DYM: variants seen among roughly 807,000 people sequenced by gnomAD.
The protein encoded by DYM is dyggve-Melchior-Clausen syndrome protein.
DYM carries 78 observed loss-of-function variants against 93.1 expected under a neutral mutation model. That is an observed-to-expected ratio of 0.84 (90% CI 0.70 to 1.01). The LOEUF (loss-of-function observed/expected upper bound fraction) is 1.01, where lower values mean the gene tolerates loss of function less well. Ranked by LOEUF, DYM falls within the 50% of genes least tolerant of loss-of-function variation. The pLI is 0.00. For missense variants in DYM, 789 were observed against 845.0 expected, an observed-to-expected ratio of 0.93 and a Z score of 0.82; for synonymous variants, 321 against 319.7, an observed-to-expected ratio of 1.00 and a Z score of -0.04.
intron 10 of DYM, among the ~76,000 whole-genome samples, chr18:49,275,312 ACT>A (rs2145606859): frequency 6.6e-6 from 1 of 151,912 alleles, no homozygotes; most frequent in South Asian, 2.1e-4. Context: ...TCTCAATTCA[ACT>A]CCATTGATGT....
At chr18:49,418,081 A>T (rs547344929) in intron 2 of DYM, 1 of 138,090 alleles carries the variant, frequency 7.2e-6, no homozygotes, top group Admixed American at 7.3e-5. Context: ...AAAAAAAAAG[A>T]TTATAAGCCT....
intron 2 of DYM, among the ~76,000 whole-genome samples, chr18:49,399,877 C>T (rs533275978): frequency 4.6e-5 from 7 of 151,824 alleles, no homozygotes; most frequent in African/African-American, 1.4e-4. Context: ...CAAGGTCTGC[C>T]GCTCAAGTTT....
intron 17 of DYM, among the ~76,000 whole-genome samples, chr18:49,078,440 C>G (rs2077499266): frequency 6.6e-6 from 1 of 151,872 alleles, no homozygotes; most frequent in South Asian, 2.1e-4. Context: ...CTGTCACAAC[C>G]ATACAGGGCC....
At chr18:49,262,737 T>A (rs960180219) in intron 11 of DYM, among the ~76,000 whole-genome samples, 1 of 152,172 alleles carries the variant, frequency 6.6e-6, no homozygotes, top group South Asian at 2.1e-4. Flanking sequence ...TACTGGCTGG[T>A]GTTGGTGCCA....
intron 2 of DYM, among the ~76,000 whole-genome samples, chr18:49,417,584 T>C (rs1192904494): frequency 1.3e-5 from 2 of 152,064 alleles, no homozygotes; most frequent in African/African-American, 2.4e-5. Flanking sequence ...AGGAAGTTAA[T>C]ATATAGAAGG....
chr18:49,129,740 A>G lies in DYM; in HGVS notation c.1729-10814T>C, dbSNP rs34429343. On this transcript the variant is annotated intron_variant, in intron 15 of 17. Transcript: ENST00000675505. ...CCACTGCTCAAGCTTGCAGGAGGTG[A>G]TAACTGCTGCTGGGGGCAGGCTCCA... Among the ~76,000 whole-genome samples the G allele has an allele frequency of 4.0e-3, 603 of 152,260 alleles. 1 individual carries two copies. The highest frequency in any genetic ancestry group is 6.9e-3 in the Non-Finnish European group (469 of 68,000).
At chr18:49,379,006 GAAGA>G (rs2067788298) in intron 4 of DYM, among the ~76,000 whole-genome samples, 1 of 152,024 alleles carries the variant, frequency 6.6e-6, no homozygotes, top group Admixed American at 6.6e-5. Flanking sequence ...GATTAAAAGA[GAAGA>G]AAGCTACCAA....
chr18:49,162,756 T>G (rs556293625), intron 15 of DYM, among the ~76,000 whole-genome samples: 1 of 152,328 alleles, frequency 6.6e-6, no homozygotes, highest in African/African-American at 2.4e-5. Flanking sequence ...CAGAGCCAAT[T>G]AGATTCTCTT....
intron 8 of DYM, among the ~76,000 whole-genome samples, chr18:49,291,852 G>A (rs1447967048): frequency 6.6e-6 from 1 of 152,190 alleles, no homozygotes; most frequent in Admixed American, 6.5e-5. Flanking sequence ...GGTACAGCCA[G>A]TAGCCAAGTA....
intron 8 of DYM, among the ~76,000 whole-genome samples, chr18:49,290,037 A>C (rs1301859731): frequency 6.6e-6 from 1 of 151,578 alleles, no homozygotes; most frequent in Non-Finnish European, 1.5e-5. Flanking sequence ...CATTGAAAAT[A>C]AAATGCACAT....
chr18:49,222,563 A>G (rs901610066), intron 13 of DYM, among the ~76,000 whole-genome samples: 5 of 152,184 alleles, frequency 3.3e-5, no homozygotes, highest in African/African-American at 1.2e-4. Context: ...TGAAACAATC[A>G]GAAACCAAAA....
intron 1 of DYM, among the ~76,000 whole-genome samples, chr18:49,445,241 T>C (rs996309697): frequency 5.9e-5 from 9 of 152,196 alleles, no homozygotes; most frequent in Admixed American, 2.0e-4. Context: ...GTCCTTTAGA[T>C]GAAATGTCTA....
At chr18:49,205,437 T>C (rs2092423086) in intron 14 of DYM, among the ~76,000 whole-genome samples, 1 of 152,132 alleles carries the variant, frequency 6.6e-6, no homozygotes, top group South Asian at 2.1e-4. Context: ...ATTAAGAGTA[T>C]AATTTATTAC....
intron 2 of DYM, among the ~76,000 whole-genome samples, chr18:49,406,299 C>T (rs1315983733): frequency 6.6e-6 from 1 of 152,104 alleles, no homozygotes; most frequent in Non-Finnish European, 1.5e-5. Flanking sequence ...GTGGCTCACG[C>T]CTGTAATCCC....
rs986216317 is a variant in DYM, at chr18:49,411,659, G to A, written c.140+18596C>T. Reference sequence around the variant, plus strand: ...AGTTATAACAGACCTCTGAACACAGGTTTGCTGAACAATCAAACTGTAAGT... The same window carrying A: ...AGTTATAACAGACCTCTGAACACAGATTTGCTGAACAATCAAACTGTAAGT... On this transcript the variant is annotated intron_variant, in intron 2 of 17. Transcript: ENST00000675505. Among the ~76,000 whole-genome samples the A allele has an allele frequency of 3.9e-5, 6 of 152,194 alleles. No individual in the cohort carries two copies. In the South Asian group the frequency reaches 6.2e-4, roughly 16 times the overall value.
chr18:49,140,164 A>G (rs754390054), intron 15 of DYM, among the ~76,000 whole-genome samples: 1 of 152,190 alleles, frequency 6.6e-6, no homozygotes, highest in African/African-American at 2.4e-5. Flanking sequence ...AAACATTAAA[A>G]AGAAAAAAAG....
chr18:49,097,320 T>A (rs139599325), intron 17 of DYM, 82 bp downstream of exon 17: 250 of 1,266,652 alleles, frequency 2.0e-4, no homozygotes, highest in Middle Eastern at 3.7e-4. Context: ...GCAGCATGAT[T>A]CTGGATAGGG....
chr18:49,408,106 T>C (rs909577800), intron 2 of DYM, among the ~76,000 whole-genome samples: 3 of 150,378 alleles, frequency 2.0e-5, no homozygotes, highest in Admixed American at 6.6e-5. Context: ...TATACAAACA[T>C]ATTAAAAATT....
rs1464569788 is a variant in DYM at position 49,285,365 on chromosome 18, C to T, written c.946+1069G>A. 2.6e-5 allele frequency among the ~76,000 whole-genome samples: 4 copies of T among 152,188 alleles called. No homozygotes were observed. The East Asian group carries it at 7.7e-4, about 29-fold the overall frequency. On this transcript the variant is annotated intron_variant, in intron 9 of 17. Transcript: ENST00000675505. ...CAAATGCTCCCATCCAATCACTGTA[C>T]TTCCCACCCATCTTCATTACATTAG... is the stretch of plus-strand genomic sequence containing the variant.
Sources: allele counts gnomAD v4.1 joint callset (sites outside exome capture counted in the v4.1 genomes callset), GRCh38; gene constraint gnomAD v4.1.1; transcripts MANE v1.5; gene names NCBI Gene and HGNC (gene_info 2026-07-23, HGNC 2026-07-21).